The following ROCK2 variants were observed in gnomAD, a reference collection of about 807,000 sequenced individuals.
The protein encoded by ROCK2 is Rho associated coiled-coil containing protein kinase 2.
A neutral mutation model predicts 195.1 loss-of-function variants in ROCK2; 61 were observed. That is an observed-to-expected ratio of 0.31 (90% CI 0.25 to 0.39). ROCK2 has a LOEUF of 0.39. ROCK2 is among the 10% of genes least tolerant of loss of function. ROCK2 has a pLI of 1.00. For synonymous variants in ROCK2, 504 were observed against 545.5 expected, an observed-to-expected ratio of 0.92 and a Z score of 1.06; for missense variants, 1,109 against 1,637.4, an observed-to-expected ratio of 0.68 and a Z score of 5.57.
chr2:11,330,843 G>T (rs1310754538), intron 1 of ROCK2, among the ~76,000 whole-genome samples: 1 of 26,160 alleles, frequency 3.8e-5, no homozygotes, highest in African/African-American at 1.3e-4. Context: ...GAAGAGGGAG[G>T]AGGAGGGGGA....
At position 11,252,348 on chromosome 2, in the gene ROCK2, C is replaced by T. The variant is rs1665860520; in HGVS notation, c.325-2550G>A. Among the ~76,000 whole-genome samples, 2 of 151,092 alleles carry T rather than the reference C, an allele frequency of 1.3e-5. 1 individual carries two copies. Among genetic ancestry groups the T allele is most frequent in the South Asian group, 4.2e-4 (2 of 4,786 alleles). On this transcript the variant is annotated intron_variant, in intron 3 of 32. Coordinates refer to ENST00000315872, the MANE Select transcript of ROCK2 (RefSeq NM_004850.5). ...ATGGCTTGAACCCGGGTGGCTGAGG[C>T]TGCAGCCAGCCAAGATCACGCCATT...
At chr2:11,222,323 G>A in intron 7 of ROCK2, 149 bp from the exon 8 acceptor site, 1 of 527,636 alleles carries the variant, frequency 1.9e-6, no homozygotes, top group Non-Finnish European at 3.3e-6. Context: ...TCAAAAATAA[G>A]CAATCCCAAG....
intron 3 of ROCK2, among the ~76,000 whole-genome samples, chr2:11,273,581 T>A (rs938305270): frequency 3.1e-4 from 47 of 152,094 alleles, no homozygotes; most frequent in African/African-American, 1.1e-3. Context: ...TATCACTTAA[T>A]AGAATGGAGT....
At chr2:11,206,055 GC>G (rs1342633581) in intron 20 of ROCK2, among the ~76,000 whole-genome samples, 1 of 152,016 alleles carries the variant, frequency 6.6e-6, no homozygotes, top group East Asian at 1.9e-4. Context: ...GTTGCAGTGA[GC>G]TGAGACCACA....
At chr2:11,317,605 T>A (rs1274790966) in intron 1 of ROCK2, among the ~76,000 whole-genome samples, 1 of 22,726 alleles carries the variant, frequency 4.4e-5, no homozygotes, top group Non-Finnish European at 8.8e-5. Context: ...TATATATATA[T>A]ATATATATTT....
intron 1 of ROCK2, among the ~76,000 whole-genome samples, chr2:11,327,329 C>G (rs2148257708): frequency 6.6e-6 from 1 of 152,210 alleles, no homozygotes; most frequent in East Asian, 1.9e-4. Flanking sequence ...AATTTAAGAC[C>G]TCAAAGGTAA....
intron 1 of ROCK2, among the ~76,000 whole-genome samples, chr2:11,317,578 A>ATATATCTATATATC (rs1286817677): frequency 6.1e-5 from 1 of 16,438 alleles, no homozygotes; most frequent in African/African-American, 2.2e-4. Context: ...CTACACATTT[A>ATATATCTATATATC]TATATATATA....
chr2:11,245,678 GT>G (rs1236342037), intron 4 of ROCK2, among the ~76,000 whole-genome samples: 1 of 152,122 alleles, frequency 6.6e-6, no homozygotes, highest in East Asian at 1.9e-4. Flanking sequence ...TTTAAGATAG[GT>G]CTGGAGCACC....
In ROCK2 at chr2:11,333,289, A is replaced by G. The variant is rs372682149; in HGVS notation, c.141+10707T>C. Among the ~76,000 whole-genome samples, 12 of 152,330 alleles carry G rather than the reference A, an allele frequency of 7.9e-5. No homozygotes were observed. The South Asian group carries it at 2.3e-3, about 29-fold the overall frequency. ...ATTTCAGAGCTGATTCTAAGAGCTA[A>G]TAAGAGACTGAAACACATTTTGCCA... On this transcript the variant is annotated intron_variant, in intron 1 of 32. Transcript: ENST00000315872.
At chr2:11,300,305 C>G (rs1218385103) in intron 1 of ROCK2, among the ~76,000 whole-genome samples, 1 of 152,170 alleles carries the variant, frequency 6.6e-6, no homozygotes. Flanking sequence ...TCTTGTTGCC[C>G]AGGCTAGAGT....
At position 11,186,538 on chromosome 2, in the gene ROCK2, G is replaced by A. The variant is rs1515223; in HGVS notation, c.4164-3098C>T. ...TTCCAAATCCAGGTTTATTTTCTTCGTTTTCATTGTCAAGTACTCAGTTCA... is the reference window on the plus strand; with the variant it reads ...TTCCAAATCCAGGTTTATTTTCTTCATTTTCATTGTCAAGTACTCAGTTCA... On this transcript the variant is annotated intron_variant, in intron 32 of 32. Transcript: ENST00000315872. Among the ~76,000 whole-genome samples the A allele has an allele frequency of 5.0e-3, 764 of 152,078 alleles. 18 individuals carry two copies. In the East Asian group the frequency reaches 0.075, roughly 15 times the overall value.
intron 1 of ROCK2, among the ~76,000 whole-genome samples, chr2:11,316,635 G>C (rs1433429064): frequency 6.6e-6 from 1 of 152,162 alleles, no homozygotes; most frequent in African/African-American, 2.4e-5. Context: ...GGTAGAACAG[G>C]TCTGGAACAT....
At chr2:11,313,427 T>G (rs1008709498) in intron 1 of ROCK2, among the ~76,000 whole-genome samples, 2 of 152,076 alleles carry the variant, frequency 1.3e-5, no homozygotes, top group Non-Finnish European at 2.9e-5. Flanking sequence ...AGAATAAAAT[T>G]ATCTCTTATT....
At chr2:11,290,393 G>A (rs1026439231) in intron 1 of ROCK2, among the ~76,000 whole-genome samples, 4 of 152,020 alleles carry the variant, frequency 2.6e-5, no homozygotes, top group African/African-American at 7.2e-5. Flanking sequence ...GAGCCCAGGA[G>A]TTCAAGAGCA....
At chr2:11,199,159 C>A (rs12328388) in intron 23 of ROCK2, among the ~76,000 whole-genome samples, 1 of 152,066 alleles carries the variant, frequency 6.6e-6, no homozygotes, top group African/African-American at 2.4e-5. Flanking sequence ...CTAGGCCTCT[C>A]AAAGTGCTGG....
At chr2:11,200,762 A>G (rs1663822583) in intron 23 of ROCK2, among the ~76,000 whole-genome samples, 195 bp downstream of exon 23, 1 of 152,174 alleles carries the variant, frequency 6.6e-6, no homozygotes, top group African/African-American at 2.4e-5. Context: ...TTAACTTTGA[A>G]TTCATTAACA....
At chr2:11,317,763 C>T (rs184382363) in intron 1 of ROCK2, among the ~76,000 whole-genome samples, 58 of 150,948 alleles carry the variant, frequency 3.8e-4, no homozygotes, top group African/African-American at 1.2e-3. Flanking sequence ...TATCCCTCCC[C>T]GCTCCCCCAA....
intron 32 of ROCK2, among the ~76,000 whole-genome samples, chr2:11,184,203 G>C (rs762058323): frequency 4.6e-5 from 7 of 152,168 alleles, no homozygotes; most frequent in Non-Finnish European, 8.8e-5. Flanking sequence ...ATCAGAAATA[G>C]CTATTTCACA....
intron 4 of ROCK2, among the ~76,000 whole-genome samples, chr2:11,244,367 AT>A (rs1238906382): frequency 6.6e-6 from 1 of 152,174 alleles, no homozygotes; most frequent in Non-Finnish European, 1.5e-5. Flanking sequence ...ATGGTTGGTA[AT>A]TGTTGAAGCT....
Sources: gnomAD v4.1 joint callset for allele counts (sites outside exome capture counted in the v4.1 genomes callset) on GRCh38, gnomAD v4.1.1 for gene constraint, MANE v1.5 for transcripts, NCBI Gene and HGNC (gene_info 2026-07-23, HGNC 2026-07-21) for gene names.